MAPK9: variants seen among roughly 807,000 people sequenced by gnomAD.
The protein encoded by MAPK9 is Jun kinase.
In MAPK9, 30 loss-of-function variants were observed where a neutral mutation model predicts 57.1. That is an observed-to-expected ratio of 0.53 (90% CI 0.39 to 0.71). The LOEUF (loss-of-function observed/expected upper bound fraction) is 0.71, where lower values mean the gene tolerates loss of function less well. MAPK9 is among the 30% of genes least tolerant of loss of function. The pLI is 0.00. For missense variants in MAPK9, 362 were observed against 521.0 expected, an observed-to-expected ratio of 0.69 and a Z score of 2.97; for synonymous variants, 155 against 177.0, an observed-to-expected ratio of 0.88 and a Z score of 0.99.
chr5:180,279,364 A>G (rs1052024474), intron 2 of MAPK9, among the ~76,000 whole-genome samples: 3 of 152,108 alleles, frequency 2.0e-5, no homozygotes, highest in African/African-American at 7.2e-5. Flanking sequence ...TTCCTTCCAA[A>G]CAGTCCCTTT....
At position 180,236,638 on chromosome 5, in the gene MAPK9, C is replaced by T. The variant is rs1757195733; in HGVS notation, c.1133-112G>A. 3.4e-6 allele frequency: 4 copies of T among 1,191,986 alleles called. No homozygotes were observed. In the African/African-American group the frequency reaches 4.6e-5, roughly 14 times the overall value. The allele number at this position is 1,191,986 out of a possible 1,614,324, so 73.8% of individuals were successfully genotyped here. A position where few individuals can be genotyped will look rare whatever the true frequency, so the allele number is the denominator to read the frequency against. ...TCTGTCCTTTTGCAGTTTCCCAATC[C>T]TAACTATGAGTATAGACAAGAAGTC... is the stretch of plus-strand genomic sequence containing the variant. On this transcript the variant is annotated intron_variant, in intron 11 of 11. Transcript: ENST00000452135.
chr5:180,245,987 T>C (rs1394399811), intron 7 of MAPK9: 1 of 152,210 alleles, frequency 6.6e-6, no homozygotes, highest in Non-Finnish European at 1.5e-5. Flanking sequence ...TAGGTAACCT[T>C]ATATATAACA....
Position 180,268,040 on chromosome 5 carries a change from G to A in MAPK9, c.252+1240C>T, listed in dbSNP as rs996887195. ...GGGGTTTCACCATGTTAGCCAGGAT[G>A]GTCTCTATCTCCTGACGTCATGATC... On this transcript the variant is annotated intron_variant, in intron 3 of 11. Coordinates refer to ENST00000452135, the MANE Select transcript of MAPK9 (RefSeq NM_002752.5). Among the ~76,000 whole-genome samples the A allele has an allele frequency of 3.9e-5, 6 of 152,006 alleles. No individual in the cohort carries two copies. The East Asian group carries it at 1.2e-3, about 30-fold the overall frequency.
rs1757104042 is a variant in MAPK9, at chr5:180,235,421, T to C, written c.*963A>G. 1 of 152,234 alleles carries C rather than the reference T, an allele frequency of 6.6e-6. No individual in the cohort carries two copies. Among genetic ancestry groups the C allele is most frequent in the African/African-American group, 2.4e-5 (1 of 41,448 alleles). The allele number at this position is 152,234 out of a possible 1,614,324, so 9.4% of individuals were successfully genotyped here. ...GGCCAGTCTGTGGCAAAGGAAGCAC[T>C]TAGGAAATGACTGCAGTGATCTCTA... On this transcript the variant is annotated 3_prime_UTR_variant, in exon 12 of 12. Transcript: ENST00000452135.
intron 3 of MAPK9, among the ~76,000 whole-genome samples, chr5:180,268,125 AC>A (rs1760866269): frequency 6.6e-6 from 1 of 152,152 alleles, no homozygotes; most frequent in Non-Finnish European, 1.5e-5. Context: ...CACCCGGCCA[AC>A]ATTTTGTAAT....
intron 5 of MAPK9, among the ~76,000 whole-genome samples, chr5:180,253,064 G>C (rs1206140867): frequency 1.3e-5 from 2 of 152,190 alleles, no homozygotes; most frequent in African/African-American, 4.8e-5. Flanking sequence ...GGCCCAGTGT[G>C]GTGTCTGCAC....
intron 3 of MAPK9, among the ~76,000 whole-genome samples, chr5:180,267,897 C>G (rs1760808555): frequency 6.6e-6 from 1 of 152,130 alleles, no homozygotes; most frequent in Non-Finnish European, 1.5e-5. Context: ...GAGTCTCGCT[C>G]TGTCGCCCAG....
chr5:180,239,197 G>GA (rs1330346167), intron 10 of MAPK9, among the ~76,000 whole-genome samples: 4 of 152,216 alleles, frequency 2.6e-5, no homozygotes, highest in African/African-American at 9.7e-5. Context: ...TCATCTGTAA[G>GA]AAAAACTAAT....
In MAPK9 at chr5:180,267,425, G is replaced by A. The variant is rs1018356059; in HGVS notation, c.252+1855C>T. ...AAAATACAAAAAATTAGCTGGGTGT[G>A]GTGGCGGGCACCTGTAGTCCCGGCT... is the stretch of plus-strand genomic sequence containing the variant. On this transcript the variant is annotated intron_variant, in intron 3 of 11. Transcript: ENST00000452135. 1.4e-3 allele frequency among the ~76,000 whole-genome samples: 206 copies of A among 151,978 alleles called. 1 individual carries two copies. The highest frequency in any genetic ancestry group is 1.8e-3 in the Non-Finnish European group (123 of 67,918).
intron 3 of MAPK9, among the ~76,000 whole-genome samples, chr5:180,268,361 A>G (rs1760892628): frequency 6.6e-6 from 1 of 152,254 alleles, no homozygotes; most frequent in African/African-American, 2.4e-5. Flanking sequence ...ACCTACTTAT[A>G]GAACAACATC....
At chr5:180,254,702 A>G (rs1759082795) in intron 5 of MAPK9, among the ~76,000 whole-genome samples, 1 of 152,188 alleles carries the variant, frequency 6.6e-6, no homozygotes, top group Admixed American at 6.5e-5. Flanking sequence ...GTTTCCAGAG[A>G]TAAAACCAAA....
Position 180,248,897 on chromosome 5 carries a change from A to G in MAPK9, c.616+76T>C, listed in dbSNP as rs1000065812. 9 of 1,486,602 alleles carry G rather than the reference A, an allele frequency of 6.1e-6. No individual in the cohort carries two copies. In the African/African-American group the frequency reaches 1.1e-4, roughly 19 times the overall value. The allele number at this position is 1,486,602 out of a possible 1,614,324, so 92.1% of individuals were successfully genotyped here. A position where few individuals can be genotyped will look rare whatever the true frequency, so the allele number is the denominator to read the frequency against. On this transcript the variant is annotated intron_variant, in intron 6 of 11. Transcript: ENST00000452135. ...CAGTATATATCATATGGTTCAAAGG[A>G]AAGAGAAAAAACTCGAGACCACCGC...
At chr5:180,266,489 AT>A (rs1760566128) in intron 3 of MAPK9, among the ~76,000 whole-genome samples, 1 of 151,618 alleles carries the variant, frequency 6.6e-6, no homozygotes, top group Non-Finnish European at 1.5e-5. Context: ...TAATTTTTGT[AT>A]TTTTAGTAGA....
intron 5 of MAPK9, among the ~76,000 whole-genome samples, chr5:180,253,235 G>A (rs1418180937): frequency 2.6e-5 from 4 of 152,212 alleles, no homozygotes; most frequent in Non-Finnish European, 4.4e-5. Flanking sequence ...ACTGCACTAC[G>A]TTCAGCTAGC....
chr5:180,236,372 A>G lies in MAPK9; in HGVS notation c.*12T>C, dbSNP rs1757172451. 6.3e-7 allele frequency: 1 copy of G among 1,599,408 alleles called. No homozygotes were observed. The highest frequency in any genetic ancestry group is 8.6e-7 in the Non-Finnish European group (1 of 1,168,996). ...TTCCTTCAATGCTGACAGGTTTGCT[A>G]TTTCTAACCTATCATCGACAGCCTT... On this transcript the variant is annotated 3_prime_UTR_variant, in exon 12 of 12. Coordinates refer to ENST00000452135, the MANE Select transcript of MAPK9 (RefSeq NM_002752.5).
chr5:180,261,875 T>G (rs1760001425), intron 4 of MAPK9, 53 bp from the exon 5 acceptor site: 1 of 1,488,378 alleles, frequency 6.7e-7, no homozygotes, highest in Non-Finnish European at 9.1e-7. Context: ...AGTTCCTTTA[T>G]GACTAAATTT....
intron 3 of MAPK9, among the ~76,000 whole-genome samples, chr5:180,268,606 C>T (rs1293630540): frequency 2.7e-4 from 40 of 148,676 alleles, no homozygotes; most frequent in Non-Finnish European, 5.1e-4. Context: ...GGCTGGCGGA[C>T]CATGAGGTCA....
At chr5:180,276,892 C>T (rs1161722696) in intron 2 of MAPK9, among the ~76,000 whole-genome samples, 3 of 152,142 alleles carry the variant, frequency 2.0e-5, no homozygotes, top group African/African-American at 4.8e-5. Flanking sequence ...AAACTTATTT[C>T]CTAATAAATT....
chr5:180,251,432 CA>C (rs570976803), intron 5 of MAPK9, among the ~76,000 whole-genome samples: 3 of 152,260 alleles, frequency 2.0e-5, no homozygotes, highest in South Asian at 4.1e-4. Flanking sequence ...TGCCATCTGT[CA>C]AAAAACTGTC....
Sources: allele counts gnomAD v4.1 joint callset (sites outside exome capture counted in the v4.1 genomes callset), GRCh38; gene constraint gnomAD v4.1.1; transcripts MANE v1.5; gene names NCBI Gene and HGNC (gene_info 2026-07-23, HGNC 2026-07-21).